FAM184B: variants seen among roughly 807,000 people sequenced by gnomAD.
FAM184B encodes the protein family with sequence similarity 184 member B, also known as protein FAM184B.
FAM184B carries 111 observed loss-of-function variants against 135.9 expected under a neutral mutation model. That is an observed-to-expected ratio of 0.82 (90% CI 0.70 to 0.96). The LOEUF is 0.96. Among genes scored for constraint, FAM184B ranks in the 40% least tolerant of loss-of-function variants. FAM184B has a pLI of 0.00. For missense variants in FAM184B, 1,375 were observed against 1,323.9 expected (o/e 1.04, Z -0.60); for synonymous variants, 552 against 524.8 (o/e 1.05, Z -0.71).
chr4:17,639,226 C>T lies in FAM184B; in HGVS notation c.2666+24G>A, dbSNP rs761175618. 2.6e-5 allele frequency: 41 copies of T among 1,550,654 alleles called. No homozygotes were observed. In the African/African-American group the frequency reaches 3.1e-4, roughly 12 times the overall value. On this transcript the variant is annotated intron_variant, in intron 14 of 17. Coordinates refer to ENST00000265018, the MANE Select transcript of FAM184B (RefSeq NM_015688.2). ...TGAATGGTACATTTGCAAGACCCTCCCTGGGGCCCGAGGCCTCACTTACTC... is the reference window on the plus strand; with the variant it reads ...TGAATGGTACATTTGCAAGACCCTCTCTGGGGCCCGAGGCCTCACTTACTC...
At chr4:17,727,468 C>T (rs534643221) in intron 1 of FAM184B, among the ~76,000 whole-genome samples, 24 of 152,204 alleles carry the variant, frequency 1.6e-4, no homozygotes, top group Admixed American at 2.6e-4. Context: ...CTAGCTGAGA[C>T]TGGGTAATTT....
intron 1 of FAM184B, among the ~76,000 whole-genome samples, chr4:17,759,639 T>C (rs1053607848): frequency 3.3e-5 from 5 of 152,004 alleles, no homozygotes; most frequent in Non-Finnish European, 7.4e-5. Flanking sequence ...ATTACAGACA[T>C]CCACCACCAC....
At chr4:17,677,022 G>A (rs868787874) in intron 7 of FAM184B, among the ~76,000 whole-genome samples, 14 of 152,182 alleles carry the variant, frequency 9.2e-5, no homozygotes, top group Middle Eastern at 3.4e-3. Flanking sequence ...GAACTTGACC[G>A]TGGGGATCAA....
intron 2 of FAM184B, among the ~76,000 whole-genome samples, chr4:17,708,096 C>T (rs1717157568): frequency 6.6e-6 from 1 of 152,162 alleles, no homozygotes; most frequent in African/African-American, 2.4e-5. Context: ...CATGATCCTG[C>T]TCTCTATAAA....
intron 1 of FAM184B, among the ~76,000 whole-genome samples, chr4:17,766,653 G>C (rs991823418): frequency 6.6e-6 from 1 of 152,208 alleles, no homozygotes; most frequent in Non-Finnish European, 1.5e-5. Context: ...CCTTGAGCTA[G>C]ACACAGAGTG....
Position 17,632,634 on chromosome 4 carries a change from A to C in FAM184B, c.3090-9T>G. The C allele has an allele frequency of 1.4e-6, 2 of 1,419,858 alleles. No individual in the cohort carries two copies. The highest frequency in any genetic ancestry group is 1.9e-6 in the Non-Finnish European group (2 of 1,075,722). 88.0% of individuals were successfully genotyped at this position (1,419,858 alleles called of 1,614,324 possible). The stretch of plus-strand genomic sequence containing the variant: ...TTTCACCATCTGGGGTCCTAAAAGC[A>C]AAAAAAGGTTTTTTTATATGGTTTT... On this transcript the variant is annotated splice_polypyrimidine_tract_variant and intron_variant, in intron 17 of 17. Transcript: ENST00000265018.
At chr4:17,780,549 C>A (rs565387155) in intron 1 of FAM184B, among the ~76,000 whole-genome samples, 18 of 152,238 alleles carry the variant, frequency 1.2e-4, no homozygotes, top group Admixed American at 3.3e-4. Context: ...GAGCCCCCTG[C>A]ACGAGGTAAG....
chr4:17,657,320 A>G (rs1715797745), intron 10 of FAM184B, among the ~76,000 whole-genome samples: 3 of 152,240 alleles, frequency 2.0e-5, no homozygotes, highest in African/African-American at 7.2e-5. Context: ...CAGAGCCCTC[A>G]GTTCCTTGCT....
chr4:17,725,916 A>C (rs1717628273), intron 1 of FAM184B, among the ~76,000 whole-genome samples: 1 of 152,026 alleles, frequency 6.6e-6, no homozygotes. Flanking sequence ...CGGATTTACT[A>C]ATCAAAACTC....
chr4:17,712,904 A>T (rs952505346), intron 1 of FAM184B, among the ~76,000 whole-genome samples: 1 of 152,208 alleles, frequency 6.6e-6, no homozygotes, highest in African/African-American at 2.4e-5. Flanking sequence ...TCATTACAAA[A>T]TCATCATCGA....
intron 1 of FAM184B, among the ~76,000 whole-genome samples, chr4:17,726,393 CAG>C (rs1489429155): frequency 6.6e-6 from 1 of 151,844 alleles, no homozygotes; most frequent in Non-Finnish European, 1.5e-5. Flanking sequence ...TTTATTGGGA[CAG>C]AGTTTTGCCC....
chr4:17,719,181 G>C (rs916477636), intron 1 of FAM184B, among the ~76,000 whole-genome samples: 1 of 152,114 alleles, frequency 6.6e-6, no homozygotes, highest in Non-Finnish European at 1.5e-5. Flanking sequence ...CTTGAGCTTT[G>C]GGGCCATTAT....
At chr4:17,749,204 G>A (rs1276876184) in intron 1 of FAM184B, among the ~76,000 whole-genome samples, 1 of 151,960 alleles carries the variant, frequency 6.6e-6, no homozygotes, top group Non-Finnish European at 1.5e-5. Context: ...ATCCTCTGAA[G>A]CGCATCTATA....
intron 10 of FAM184B, among the ~76,000 whole-genome samples, chr4:17,656,701 TTTC>T (rs1249332485): frequency 3.3e-5 from 5 of 151,972 alleles, no homozygotes; most frequent in African/African-American, 7.3e-5. Context: ...AATGCTCGAC[TTTC>T]TTTTTTTTAA....
At position 17,688,541 on chromosome 4, in the gene FAM184B, G is replaced by A. The variant is rs913037241; in HGVS notation, c.1489-10C>T. 1.3e-6 allele frequency: 2 copies of A among 1,538,664 alleles called. No homozygotes were observed. Among genetic ancestry groups the A allele is most frequent in the African/African-American group, 2.8e-5 (2 of 72,064 alleles). On this transcript the variant is annotated splice_polypyrimidine_tract_variant and intron_variant, in intron 6 of 17. Coordinates refer to ENST00000265018, the MANE Select transcript of FAM184B (RefSeq NM_015688.2). ...CTTCCAGCCTTAAAACCTAAAACAG[G>A]AGATAAGAAACACCACACAATGAAA...
intron 6 of FAM184B, among the ~76,000 whole-genome samples, chr4:17,690,158 A>T (rs570504031): frequency 2.2e-4 from 33 of 152,292 alleles, no homozygotes; most frequent in Admixed American, 2.1e-3. Context: ...AAAAAAAAAA[A>T]AAAAAGAATT....
chr4:17,735,269 C>G (rs1019385326), intron 1 of FAM184B, among the ~76,000 whole-genome samples: 12 of 151,968 alleles, frequency 7.9e-5, no homozygotes, highest in Non-Finnish European at 1.8e-4. Context: ...CAACATGGCA[C>G]ATGTATACAT....
Position 17,632,517 on chromosome 4 carries a change from A to T in FAM184B, c.*15T>A. The T allele has an allele frequency of 7.2e-6, 11 of 1,538,274 alleles. No individual in the cohort carries two copies. The highest frequency in any genetic ancestry group is 9.7e-6 in the Non-Finnish European group (11 of 1,135,652). On this transcript the variant is annotated 3_prime_UTR_variant, in exon 18 of 18. Transcript: ENST00000265018. ...GTTTTTCAAGTATCCTCTGTGATGT[A>T]TCCCAAAGGTTAGCTTAGAAAGAAA...
intron 7 of FAM184B, among the ~76,000 whole-genome samples, chr4:17,665,569 C>CTT: frequency 6.6e-6 from 1 of 152,228 alleles, no homozygotes; most frequent in East Asian, 1.9e-4. Context: ...AACTGTGAAA[C>CTT]AAAGGGGCTG....
Sources: gnomAD v4.1 joint callset for allele counts (sites outside exome capture counted in the v4.1 genomes callset) on GRCh38, gnomAD v4.1.1 for gene constraint, MANE v1.5 for transcripts, NCBI Gene and HGNC (gene_info 2026-07-23, HGNC 2026-07-21) for gene names.